PCDHGA6: variants seen among roughly 807,000 people sequenced by gnomAD.
PCDHGA6 encodes protocadherin gamma-A6.
Under a neutral mutation model 60.6 loss-of-function variants are expected in PCDHGA6, and 41 were observed. The ratio of observed to expected loss-of-function variants is 0.68; its 90% CI spans 0.53 to 0.88. PCDHGA6 has a LOEUF of 0.88. Among genes scored for constraint, PCDHGA6 ranks in the 40% least tolerant of loss-of-function variants. The pLI, the probability that PCDHGA6 is intolerant of heterozygous loss-of-function variation, is 0.00. For missense variants in PCDHGA6, 1,312 were observed against 1,203.0 expected (o/e 1.09, Z -1.34); for synonymous variants, 594 against 524.4 (o/e 1.13, Z -1.81).
intron 1 of PCDHGA6, chr5:141,393,241 A>C (rs377394191): frequency 1.8e-4 from 292 of 1,613,684 alleles, no homozygotes; most frequent in Non-Finnish European, 2.3e-4. Context: ...GTAAAAATTA[A>C]CGAAATCGCG....
chr5:141,394,868 C>A, intron 1 of PCDHGA6: 1 of 1,613,828 alleles, frequency 6.2e-7, no homozygotes, highest in Non-Finnish European at 8.5e-7. Flanking sequence ...TCGACCCGAA[C>A]GATTCGAGCC....
At chr5:141,419,273 G>A (rs751868316) in intron 1 of PCDHGA6, 2 of 1,614,034 alleles carry the variant, frequency 1.2e-6, no homozygotes, top group South Asian at 1.1e-5. Flanking sequence ...TGCCTCCATA[G>A]CGCAAGTCAG....
chr5:141,423,053 T>C lies in PCDHGA6; in HGVS notation c.2424+46546T>C, dbSNP rs200154593. 1.4e-4 allele frequency: 219 copies of C among 1,614,170 alleles called. 1 individual carries two copies. The African/African-American group carries it at 2.5e-3, about 18-fold the overall frequency. ...CAGAACGCCTGGCTGTCCTATCGCCTGCTTAAGGCCAGCGAGCCGGGACTC... is the reference window on the plus strand; with the variant it reads ...CAGAACGCCTGGCTGTCCTATCGCCCGCTTAAGGCCAGCGAGCCGGGACTC... On this transcript the variant is annotated intron_variant, in intron 1 of 3. Coordinates refer to ENST00000517434, the MANE Select transcript of PCDHGA6 (RefSeq NM_018919.3).
intron 1 of PCDHGA6, chr5:141,390,359 C>T: frequency 1.3e-6 from 2 of 1,538,574 alleles, no homozygotes; most frequent in Admixed American, 1.9e-5. Flanking sequence ...TACATATTTG[C>T]AGGAAAATAT....
chr5:141,387,303 A>C (rs563124332), intron 1 of PCDHGA6, among the ~76,000 whole-genome samples: 1 of 152,334 alleles, frequency 6.6e-6, no homozygotes, highest in East Asian at 1.9e-4. Context: ...TATCCAGTAT[A>C]TTTCTAATGA....
At chr5:141,492,382 T>C (rs71583650) in intron 1 of PCDHGA6, among the ~76,000 whole-genome samples, 2,103 of 152,322 alleles carry the variant, frequency 0.014, 36 homozygotes, top group African/African-American at 0.031. Flanking sequence ...ACAGGCCTGT[T>C]CCGGTCCACT....
At chr5:141,504,236 C>A (rs1011850372) in intron 2 of PCDHGA6, among the ~76,000 whole-genome samples, 2 of 152,194 alleles carry the variant, frequency 1.3e-5, no homozygotes, top group African/African-American at 4.8e-5. Flanking sequence ...TTCTAAGAAG[C>A]AGAGAGTTCT....
intron 1 of PCDHGA6, chr5:141,403,867 A>C (rs755401788): frequency 1.1e-5 from 17 of 1,613,606 alleles, no homozygotes; most frequent in Admixed American, 3.3e-5. Flanking sequence ...CAACAGCAAA[A>C]AGTCTAGATT....
rs2150038987 is a variant in PCDHGA6 at position 141,374,350 on chromosome 5, G to C, written c.267G>C (p.Arg89Ser). Reference sequence around the variant, plus strand: ...ACGGCAGCTTGGTCACCGCGGGTAGGATAGACCGCGAGGAGCTCTGTGCTC... The same window carrying C: ...ACGGCAGCTTGGTCACCGCGGGTAGCATAGACCGCGAGGAGCTCTGTGCTC... ...PRNGSLVTAG[R>S]IDREELCAQS... is the part of the protein sequence containing the mutation. Residue 89 changes from arginine to serine, a missense_variant, in exon 1 of 4, where the codon AGG (arginine) becomes AGC (serine). Coordinates refer to ENST00000517434, the MANE Select transcript of PCDHGA6 (RefSeq NM_018919.3). The C allele has an allele frequency of 6.2e-7, 1 of 1,614,038 alleles. No individual in the cohort carries two copies. The highest frequency in any genetic ancestry group is 8.5e-7 in the Non-Finnish European group (1 of 1,179,906).
At chr5:141,377,890 C>G (rs1204585448) in intron 1 of PCDHGA6, 1 of 152,090 alleles carries the variant, frequency 6.6e-6, no homozygotes, top group Non-Finnish European at 1.5e-5. Context: ...GATAGGATCC[C>G]CCTCTGTTGC....
At position 141,432,851 on chromosome 5, in the gene PCDHGA6, G is replaced by T. The variant is rs561153330; in HGVS notation, c.2424+56344G>T. 8 of 1,614,198 alleles carry T rather than the reference G, an allele frequency of 5.0e-6. No homozygotes were observed. In the African/African-American group the frequency reaches 9.3e-5, roughly 19 times the overall value. ...CACTCTGTACCTGGTGGTAGCGGTG[G>T]CCGCGGTCTCCTGCGTCTTCCTGGC... On this transcript the variant is annotated intron_variant, in intron 1 of 3. Transcript: ENST00000517434. This position sits in a 1 kb window ranked among gnomAD's most constrained non-coding sequence, Gnocchi z 6.0.
chr5:141,458,694 C>T (rs905547768), intron 1 of PCDHGA6, among the ~76,000 whole-genome samples: 3 of 152,018 alleles, frequency 2.0e-5, no homozygotes, highest in Non-Finnish European at 2.9e-5. Flanking sequence ...CTCAGCCTCC[C>T]GAGTAGCTGG....
In PCDHGA6 at chr5:141,423,069, G is replaced by A. The variant is rs1364397726; in HGVS notation, c.2424+46562G>A. ...CCTATCGCCTGCTTAAGGCCAGCGA[G>A]CCGGGACTCTTCGCGGTGGGGGAGC... On this transcript the variant is annotated intron_variant, in intron 1 of 3. Transcript: ENST00000517434. 8 of 1,614,034 alleles carry A rather than the reference G, an allele frequency of 5.0e-6. No homozygotes were observed. In the African/African-American group the frequency reaches 1.1e-4, roughly 22 times the overall value.
chr5:141,505,558 C>A (rs945428797), intron 3 of PCDHGA6, 77 bp downstream of exon 3: 1 of 1,605,016 alleles, frequency 6.2e-7, no homozygotes, highest in African/African-American at 1.3e-5. Context: ...ACCATGCCCA[C>A]GGACTGGATG....
rs1267965791 is a variant in PCDHGA6, at chr5:141,431,329, G to C, written c.2424+54822G>C. 1 of 1,614,002 alleles carries C rather than the reference G, an allele frequency of 6.2e-7. No individual in the cohort carries two copies. Among genetic ancestry groups the C allele is most frequent in the East Asian group, 2.2e-5 (1 of 44,904 alleles). On this transcript the variant is annotated intron_variant, in intron 1 of 3. Coordinates refer to ENST00000517434, the MANE Select transcript of PCDHGA6 (RefSeq NM_018919.3). The surrounding 1 kb of genome is among the most constrained non-coding windows in gnomAD (Gnocchi z 4.8). ...TGCAAAATGGAGCCGACGGTAGTAA[G>C]TACCCCGAATTGGTGCTGAAACGCG...
At chr5:141,414,225 G>A in intron 1 of PCDHGA6, 1 of 1,613,398 alleles carries the variant, frequency 6.2e-7, no homozygotes, top group Non-Finnish European at 8.5e-7. Context: ...ACAGTCCAGA[G>A]CTGACCATCA....
At chr5:141,381,038 T>G (rs1422573690) in intron 1 of PCDHGA6, among the ~76,000 whole-genome samples, 1 of 152,262 alleles carries the variant, frequency 6.6e-6, no homozygotes, top group Non-Finnish European at 1.5e-5. Context: ...TTAAACAAAA[T>G]TTATCTACTT....
Position 141,431,612 on chromosome 5 carries a change from G to T in PCDHGA6, c.2424+55105G>T, listed in dbSNP as rs79883194. 6.2e-7 allele frequency: 1 copy of T among 1,614,244 alleles called. No homozygotes were observed. The highest frequency in any genetic ancestry group is 2.2e-5 in the East Asian group (1 of 44,880). Reference sequence around the variant, plus strand: ...AGTGAGGTATTCCTTCCGGTATGTGGACGACAAGGCGGCCCAAGTTTTCAA... The same window carrying T: ...AGTGAGGTATTCCTTCCGGTATGTGTACGACAAGGCGGCCCAAGTTTTCAA... On this transcript the variant is annotated intron_variant, in intron 1 of 3. Transcript: ENST00000517434. The surrounding 1 kb of genome is among the most constrained non-coding windows in gnomAD (Gnocchi z 4.8).
At position 141,491,583 on chromosome 5, in the gene PCDHGA6, C is replaced by T; in HGVS notation, c.2425-3224C>T. On this transcript the variant is annotated intron_variant, in intron 1 of 3. Transcript: ENST00000517434. The surrounding 1 kb of genome is among the most constrained non-coding windows in gnomAD (Gnocchi z 6.9). ...GCTACAGGACGTGCTTTTCACCGGC[C>T]TCGGACGGCAGTGACTTCACTTTTC... 1 of 1,613,964 alleles carries T rather than the reference C, an allele frequency of 6.2e-7. No individual in the cohort carries two copies. Among genetic ancestry groups the T allele is most frequent in the African/African-American group, 1.3e-5 (1 of 75,032 alleles).
Sources: allele counts gnomAD v4.1 joint callset (sites outside exome capture counted in the v4.1 genomes callset), GRCh38; gene constraint gnomAD v4.1.1; non-coding constraint Gnocchi (gnomAD v3.1); transcripts MANE v1.5; gene names NCBI Gene and HGNC (gene_info 2026-07-23, HGNC 2026-07-21).